NPAS3: variants seen among roughly 807,000 people sequenced by gnomAD.
NPAS3 encodes the protein neuronal PAS domain protein 3, also known as neuronal PAS domain-containing protein 3.
NPAS3 carries 14 observed loss-of-function variants against 73.1 expected under a neutral mutation model. The observed-to-expected ratio is 0.19, with a 90% CI of 0.13 to 0.30. NPAS3 has a LOEUF of 0.30. NPAS3 is among the 10% of genes least tolerant of loss of function. The pLI is 1.00. For missense variants in NPAS3, 1,096 were observed against 1,250.0 expected (o/e 0.88, Z 1.86); for synonymous variants, 620 against 541.5 (o/e 1.14, Z -2.01).
rs139709160 is a variant in NPAS3, at chr14:33,553,777, A to G, written c.469-6344A>G. Among the ~76,000 whole-genome samples the G allele has an allele frequency of 2.2e-3, 336 of 152,324 alleles. 1 individual carries two copies. Among genetic ancestry groups the G allele is most frequent in the African/African-American group, 7.3e-3 (304 of 41,568 alleles). ...GAAAATAAGGCTTTTGTTTCTGCAC[A>G]GTGCTGGATTGTTAAAAGTCAGATT... is the stretch of plus-strand genomic sequence containing the variant. On this transcript the variant is annotated intron_variant, in intron 4 of 11. Coordinates refer to ENST00000356141, the Ensembl canonical transcript of NPAS3.
intron 6 of NPAS3, among the ~76,000 whole-genome samples, chr14:33,693,304 T>C (rs9322925): frequency 0.18 from 27,934 of 152,236 alleles, 2,691 homozygotes; most frequent in South Asian, 0.24. Flanking sequence ...TCCCTGTTTT[T>C]GCTTTCTATA....
intron 7 of NPAS3, among the ~76,000 whole-genome samples, chr14:33,763,032 C>A (rs2062346032): frequency 6.6e-6 from 1 of 152,146 alleles, no homozygotes; most frequent in Non-Finnish European, 1.5e-5. Context: ...ATTAGGAGAC[C>A]TCTTTTCTTC....
At chr14:33,302,360 G>A (rs1053747539) in intron 3 of NPAS3, among the ~76,000 whole-genome samples, 1 of 152,158 alleles carries the variant, frequency 6.6e-6, no homozygotes, top group African/African-American at 2.4e-5. Flanking sequence ...ACCTAGTCCT[G>A]CAGCTGGGAC....
chr14:33,704,095 C>T (rs2060593896), intron 6 of NPAS3, among the ~76,000 whole-genome samples: 1 of 152,138 alleles, frequency 6.6e-6, no homozygotes. Flanking sequence ...TGAAAGAAAA[C>T]CCGTAGAAAA....
rs564181744 is a variant in NPAS3, at chr14:33,382,970, C to G, written c.468+15702C>G. ...GGTATGATAGTGTGTGCCTGTAGTA[C>G]TAGCTACTTTGGAGGCTGAGGCAGG... On this transcript the variant is annotated intron_variant, in intron 4 of 11. Coordinates refer to ENST00000356141, the Ensembl canonical transcript of NPAS3. Among the ~76,000 whole-genome samples, 13 of 151,436 alleles carry G rather than the reference C, an allele frequency of 8.6e-5. No homozygotes were observed. The South Asian group carries it at 2.7e-3, about 32-fold the overall frequency.
intron 6 of NPAS3, among the ~76,000 whole-genome samples, chr14:33,691,185 T>C (rs1466906375): frequency 1.3e-5 from 2 of 152,226 alleles, no homozygotes; most frequent in Non-Finnish European, 2.9e-5. Context: ...CTATATTTTA[T>C]GACCAGACCA....
chr14:33,504,418 G>T (rs935742188), intron 4 of NPAS3, among the ~76,000 whole-genome samples: 5 of 151,990 alleles, frequency 3.3e-5, no homozygotes, highest in African/African-American at 1.2e-4. Context: ...TTTAAGAAAT[G>T]TGATTCCCAA....
chr14:33,025,203 T>C (rs1227563826), intron 1 of NPAS3, among the ~76,000 whole-genome samples: 1 of 152,206 alleles, frequency 6.6e-6, no homozygotes, highest in African/African-American at 2.4e-5. Context: ...TTGAGCAAGC[T>C]TTTGGATCAG....
intron 4 of NPAS3, among the ~76,000 whole-genome samples, chr14:33,531,617 T>A (rs77754346): frequency 0.014 from 2,120 of 152,232 alleles, 58 homozygotes; most frequent in African/African-American, 0.048. Flanking sequence ...TTGGCACCGA[T>A]GAGCAGAGTT....
intron 9 of NPAS3, among the ~76,000 whole-genome samples, chr14:33,779,440 AC>A (rs1459029245): frequency 6.6e-6 from 1 of 151,410 alleles, no homozygotes. Context: ...AGTCTCCCCT[AC>A]CCCCTATCCA....
At position 33,780,831 on chromosome 14, in the gene NPAS3, G is replaced by A. The variant is rs138991703; in HGVS notation, c.1153+2259G>A. ...TTGTGCTATTCTCCTAATTTTTCTG[G>A]TATCTTGCCAACTAATAAACAGAGA... On this transcript the variant is annotated intron_variant, in intron 9 of 11. Transcript: ENST00000356141. 6.4e-5 allele frequency: 17 copies of A among 266,140 alleles called. No homozygotes were observed. The East Asian group carries it at 1.6e-3, about 25-fold the overall frequency. The allele number at this position is 266,140 out of a possible 1,614,324, so 16.5% of individuals were successfully genotyped here. A position where few individuals can be genotyped will look rare whatever the true frequency, so the allele number is the denominator to read the frequency against.
At chr14:33,111,357 T>C (rs954712843) in intron 2 of NPAS3, among the ~76,000 whole-genome samples, 3 of 152,194 alleles carry the variant, frequency 2.0e-5, no homozygotes, top group African/African-American at 7.2e-5. Flanking sequence ...CTGATAACAA[T>C]AGCTTAATAA....
intron 2 of NPAS3, among the ~76,000 whole-genome samples, 185 bp downstream of exon 2, chr14:33,056,179 A>C (rs1479264746): frequency 6.6e-6 from 1 of 152,176 alleles, no homozygotes; most frequent in Admixed American, 6.5e-5. Flanking sequence ...TTTGCCTCTG[A>C]GATCAAGACA....
At chr14:33,788,544 A>G (rs143106348) in intron 9 of NPAS3, among the ~76,000 whole-genome samples, 1 of 152,360 alleles carries the variant, frequency 6.6e-6, no homozygotes, top group African/African-American at 2.4e-5. Context: ...AAACTGAATT[A>G]GACTGCTTCC....
chr14:33,143,303 C>T (rs2044123540), intron 2 of NPAS3, among the ~76,000 whole-genome samples: 1 of 152,120 alleles, frequency 6.6e-6, no homozygotes, highest in Non-Finnish European at 1.5e-5. Flanking sequence ...ACCAGCCCGA[C>T]CAATGTGGTG....
intron 5 of NPAS3, among the ~76,000 whole-genome samples, chr14:33,599,773 G>C (rs550738832): frequency 6.6e-6 from 1 of 152,236 alleles, no homozygotes; most frequent in South Asian, 2.1e-4. Context: ...TCGTTCAGGA[G>C]GGCTTACTTC....
At chr14:33,090,323 A>G (rs1392968757) in intron 2 of NPAS3, among the ~76,000 whole-genome samples, 3 of 152,182 alleles carry the variant, frequency 2.0e-5, no homozygotes, top group Non-Finnish European at 2.9e-5. Context: ...CAAATGGAAA[A>G]CAAAAGAAGG....
chr14:33,251,891 T>C (rs1217526592), intron 3 of NPAS3, among the ~76,000 whole-genome samples: 1 of 152,114 alleles, frequency 6.6e-6, no homozygotes, highest in African/African-American at 2.4e-5. Flanking sequence ...CTCTTTTTTT[T>C]AGAGGGGACC....
At chr14:33,239,760 A>C (rs1178067755) in intron 3 of NPAS3, among the ~76,000 whole-genome samples, 1 of 151,966 alleles carries the variant, frequency 6.6e-6, no homozygotes. Flanking sequence ...AGCCATGTAC[A>C]GAAGTGTCAC....
Sources: gnomAD v4.1 joint callset for allele counts (sites outside exome capture counted in the v4.1 genomes callset) on GRCh38, gnomAD v4.1.1 for gene constraint, MANE v1.5 for transcripts, NCBI Gene and HGNC (gene_info 2026-07-23, HGNC 2026-07-21) for gene names.